Variants in METTL3 observed in about 807,000 individuals in gnomAD.
METTL3 encodes the protein N(6)-adenosine-methyltransferase catalytic subunit METTL3.
METTL3 carries 42 observed loss-of-function variants against 64.3 expected under a neutral mutation model. The ratio of observed to expected loss-of-function variants is 0.65; its 90% confidence interval spans 0.51 to 0.84. The LOEUF is 0.84. Among genes scored for constraint, METTL3 ranks in the 40% least tolerant of loss-of-function variants. METTL3 has a pLI of 0.00. For missense variants in METTL3, 435 were observed against 722.3 expected (o/e 0.60, Z 4.56); for synonymous variants, 256 against 263.6 (o/e 0.97, Z 0.28).
chr14:21,511,015 T>A (rs1449952730), intron 1 of METTL3, 109 bp downstream of exon 1: 5 of 1,302,966 alleles, frequency 3.8e-6, no homozygotes, highest in Non-Finnish European at 5.2e-6. Flanking sequence ...TGTACGAGGC[T>A]TTATAGAAAT....
chr14:21,504,777 A>C (rs1425361778), intron 1 of METTL3: 2 of 98,470 alleles, frequency 2.0e-5, no homozygotes, highest in East Asian at 5.0e-4. Context: ...CTAAAATACA[A>C]AAAAAAAAAA....
In METTL3 at chr14:21,499,528, T is replaced by C. The variant is rs1411027427; in HGVS notation, c.1416A>G (p.Thr472=). 2.5e-6 allele frequency: 4 copies of C among 1,614,116 alleles called. No homozygotes were observed. The African/African-American group carries it at 5.3e-5, about 22-fold the overall frequency. The change falls in exon 8 of 11, where the codon ACA becomes ACG. Residue 472 remains threonine, a synonymous_variant. Coordinates refer to ENST00000298717, the MANE Select transcript of METTL3 (RefSeq NM_019852.5). ...CCTTCCCATGGTTCAACCAGTGACCTGTACGGCCTGTCCGAATGATGCGTT... is the reference window on the plus strand; with the variant it reads ...CCTTCCCATGGTTCAACCAGTGACCCGTACGGCCTGTCCGAATGATGCGTT... The part of the protein sequence containing the change: ...QLQRIIRTGR[T]GHWLNHGKEH...
At chr14:21,506,503 G>A (rs12891263) in intron 1 of METTL3, among the ~76,000 whole-genome samples, 20,517 of 152,162 alleles carry the variant, frequency 0.13, 1,435 homozygotes, top group Admixed American at 0.22. Flanking sequence ...GCAGTGAGCC[G>A]AGATCGCGCT....
intron 1 of METTL3, among the ~76,000 whole-genome samples, chr14:21,505,649 G>C (rs888814831): frequency 1.3e-5 from 2 of 152,134 alleles, no homozygotes; most frequent in African/African-American, 4.8e-5. Context: ...GCAAAGTTTT[G>C]TATGTATACA....
chr14:21,500,649 T>C lies in METTL3; in HGVS notation c.1150A>G (p.Ser384Gly). Residue 384 changes from serine (S) to glycine (G), a missense_variant, in exon 6 of 11, where the codon AGT becomes GGT. Coordinates refer to ENST00000298717, the MANE Select transcript of METTL3 (RefSeq NM_019852.5). ...ICCDIRYLDV[S>G]ILGKFAVVMA... is the part of the protein sequence containing the mutation. Reference sequence around the variant, plus strand: ...ACAACTGCAAACTTGCCCAAGATACTGACGTCCAGGTAGCGGATATCACAA... The same window carrying C: ...ACAACTGCAAACTTGCCCAAGATACCGACGTCCAGGTAGCGGATATCACAA... 1 of 1,614,130 alleles carries C rather than the reference T, an allele frequency of 6.2e-7. No individual in the cohort carries two copies. Among genetic ancestry groups the C allele is most frequent in the Non-Finnish European group, 8.5e-7 (1 of 1,180,000 alleles).
chr14:21,501,625 CTAAA>C, intron 4 of METTL3, 99 bp downstream of exon 4: 6 of 1,462,064 alleles, frequency 4.1e-6, no homozygotes, highest in South Asian at 3.6e-5. Flanking sequence ...AAACCATAAA[CTAAA>C]TAAGATTACA....
chr14:21,498,773 G>A, intron 10 of METTL3: 1 of 501,286 alleles, frequency 2.0e-6, no homozygotes, highest in Non-Finnish European at 3.6e-6. Context: ...CAGAATGGCT[G>A]AGGAAGATCC....
rs2242526 is a variant in METTL3 at position 21,503,586 on chromosome 14, C to T, written c.319-9G>A. The T allele has an allele frequency of 2.0e-4, 329 of 1,612,192 alleles. 1 individual carries two copies. The African/African-American group carries it at 4.0e-3, about 20-fold the overall frequency. ...GTGGCAGGAGCATCTGGCTAGAGAA[C>T]GAGGGGAGGTATGGGCAATAAGACA... is the stretch of plus-strand genomic sequence containing the variant. On this transcript the variant is annotated splice_polypyrimidine_tract_variant and intron_variant, in intron 2 of 10. Coordinates refer to ENST00000298717, the MANE Select transcript of METTL3 (RefSeq NM_019852.5).
rs369843890 is a variant in METTL3 at position 21,511,238 on chromosome 14, C to T, written c.-15G>A. ...GTGTCCGACATCCTAGTCTCCCAGC[C>T]CTGACACCTCTCGAATAAGGCGCGG... On this transcript the variant is annotated 5_prime_UTR_variant, in exon 1 of 11. Transcript: ENST00000298717. 3 of 1,611,474 alleles carry T rather than the reference C, an allele frequency of 1.9e-6. No individual in the cohort carries two copies. Among genetic ancestry groups the T allele is most frequent in the Non-Finnish European group, 1.7e-6 (2 of 1,178,982 alleles).
chr14:21,508,976 A>G lies in METTL3; in HGVS notation c.100+2148T>C, dbSNP rs554721546. ...CACCACAGATAGAGGATGGCCTGTC[A>G]CAAAAACGACAGAAAGGTGAACACA... On this transcript the variant is annotated intron_variant, in intron 1 of 10. Coordinates refer to ENST00000298717, the MANE Select transcript of METTL3 (RefSeq NM_019852.5). Among the ~76,000 whole-genome samples the G allele has an allele frequency of 3.3e-5, 5 of 152,366 alleles. No homozygotes were observed. In the South Asian group the frequency reaches 8.3e-4, roughly 25 times the overall value.
chr14:21,502,677 C>T (rs1320430231), intron 3 of METTL3: 1 of 156,656 alleles, frequency 6.4e-6, no homozygotes, highest in Non-Finnish European at 1.4e-5. Flanking sequence ...ACTAGAAGTA[C>T]CAAACAGATA....
At position 21,503,833 on chromosome 14, in the gene METTL3, C is replaced by T; in HGVS notation, c.149G>A (p.Ser50Asn). The change falls in exon 2 of 11, where the codon AGC becomes AAC. Residue 50 changes from serine (S) to asparagine (N), a missense_variant. Transcript: ENST00000298717. ...AALSPTFRSDSPVPTAPTSGG... is the reference protein window; with the variant it reads ...AALSPTFRSDNPVPTAPTSGG... ...AGAGGTGGGTGCAGTAGGCACTGGGCTGTCACTACGGAAGGTTGGAGACAA... is the reference window on the plus strand; with the variant it reads ...AGAGGTGGGTGCAGTAGGCACTGGGTTGTCACTACGGAAGGTTGGAGACAA... 1 of 1,614,226 alleles carries T rather than the reference C, an allele frequency of 6.2e-7. No homozygotes were observed. The highest frequency in any genetic ancestry group is 8.5e-7 in the Non-Finnish European group (1 of 1,180,042).
At position 21,503,256 on chromosome 14, in the gene METTL3, T is replaced by C; in HGVS notation, c.640A>G (p.Arg214Gly). The change falls in exon 3 of 11, where the codon AGG (arginine) becomes GGG (glycine). Residue 214 changes from arginine (R) to glycine (G), a missense_variant. This residue lies in a region of METTL3 where 228 missense variants were observed against 279.6 expected (regional missense o/e 0.82). Transcript: ENST00000298717. ...TCAACATCTGAGGCAGCATGTTTCC[T>C]TGATTTCTTGGCTGGCTCCTTTGCT... ...EPAKEPAKKS[R>G]KHAASDVDLE... 6.2e-7 allele frequency: 1 copy of C among 1,614,232 alleles called. No homozygotes were observed. Among genetic ancestry groups the C allele is most frequent in the Non-Finnish European group, 8.5e-7 (1 of 1,180,032 alleles).
intron 1 of METTL3, among the ~76,000 whole-genome samples, chr14:21,505,991 A>G (rs1375617023): frequency 6.6e-6 from 1 of 152,156 alleles, no homozygotes; most frequent in Non-Finnish European, 1.5e-5. Flanking sequence ...AATATACTGG[A>G]GCACTTCACA....
At chr14:21,510,866 G>T (rs1891816842) in intron 1 of METTL3, 1 of 470,518 alleles carries the variant, frequency 2.1e-6, no homozygotes. Flanking sequence ...AGAGGAGTGG[G>T]CAAGGCGGAC....
intron 8 of METTL3, 54 bp from the exon 9 acceptor site, chr14:21,499,425 C>A: frequency 6.2e-7 from 1 of 1,612,008 alleles, no homozygotes; most frequent in Non-Finnish European, 8.5e-7. Context: ...TGAACTTTTT[C>A]TCAGTAAGAA....
rs11540964 is a variant in METTL3, at chr14:21,503,551, C to G, written c.345G>C (p.Gly115=). ...CAAACTTCTGCAGGAGGCTTTCTAC[C>G]CCATCTTGAGTGGCAGGAGCATCTG... ...STPDAPATQD[G]VESLLQKFAA... Residue 115 remains glycine, a synonymous_variant, in exon 3 of 11, where the codon GGG becomes GGC. Coordinates refer to ENST00000298717, the MANE Select transcript of METTL3 (RefSeq NM_019852.5). 2.8e-3 allele frequency: 4,509 copies of G among 1,612,638 alleles called. 7 individuals are homozygous for G. Among genetic ancestry groups the G allele is most frequent in the Non-Finnish European group, 3.5e-3 (4,175 of 1,179,822 alleles).
chr14:21,502,413 G>A (rs1437544313), intron 3 of METTL3: 1 of 154,828 alleles, frequency 6.5e-6, no homozygotes, highest in Non-Finnish European at 1.4e-5. Context: ...TATGCATTTG[G>A]GATGAAATTA....
Position 21,501,133 on chromosome 14 carries a change from G to A in METTL3, c.900-4C>T. 2 of 1,604,938 alleles carry A rather than the reference G, an allele frequency of 1.2e-6. No individual in the cohort carries two copies. Among genetic ancestry groups the A allele is most frequent in the Non-Finnish European group, 1.7e-6 (2 of 1,174,448 alleles). ...AGTGTGTTTATTGATAATTCGTCTG[G>A]GAAAATAAAAAGGGAGAATCAAGAT... On this transcript the variant is annotated splice_region_variant and splice_polypyrimidine_tract_variant and intron_variant, in intron 4 of 10. Transcript: ENST00000298717.
Sources: allele counts gnomAD v4.1 joint callset (sites outside exome capture counted in the v4.1 genomes callset), GRCh38; gene constraint gnomAD v4.1.1; regional missense constraint gnomAD v4.1.1; transcripts MANE v1.5; gene names NCBI Gene and HGNC (gene_info 2026-07-23, HGNC 2026-07-21).